CCDC33: variants seen among roughly 807,000 people sequenced by gnomAD.
CCDC33 encodes coiled-coil domain containing 33.
A neutral mutation model predicts 91.9 loss-of-function variants in CCDC33; 94 were observed. The observed-to-expected ratio is 1.02, with a 90% CI of 0.87 to 1.21. The LOEUF is 1.21. CCDC33 is among the 50% of genes most tolerant of loss of function. The probability of loss-of-function intolerance (pLI) is 0.00; values close to 1 mark genes in which losing one functional copy is unlikely to be tolerated. For synonymous variants in CCDC33, 396 were observed against 374.5 expected, an observed-to-expected ratio of 1.06 and a Z score of -0.66; for missense variants, 940 against 935.5, an observed-to-expected ratio of 1.00 and a Z score of -0.06.
upstream of CCDC33, among the ~76,000 whole-genome samples, chr15:74,214,415 G>T (rs1390861352): frequency 6.6e-6 from 1 of 152,038 alleles, no homozygotes; most frequent in African/African-American, 2.4e-5. Context: ...GGGGAACCAG[G>T]CCCTGCCCCC....
rs762800960 is a variant in CCDC33, at chr15:74,271,752, T to G, written c.596T>G (p.Ile199Arg). 6.2e-6 allele frequency: 10 copies of G among 1,613,692 alleles called. No homozygotes were observed. The highest frequency in any genetic ancestry group is 8.5e-7 in the Non-Finnish European group (1 of 1,179,762). Residue 199 changes from isoleucine to arginine, a missense_variant, in exon 6 of 19, where the codon ATA becomes AGA. Physicochemically the swap from Ile to Arg is moderately conservative, Grantham distance 97. Coordinates refer to ENST00000398814, the MANE Select transcript of CCDC33 (RefSeq NM_025055.5). ...NEPLANNPNP[I>R]VVIARVVPNY... ...CCCCTGGCCAACAACCCCAACCCCA[T>G]AGTGGTGATTGCCCGGGTCGTTCCC...
chr15:74,332,634 A>T, intron 15 of CCDC33, 45 bp from the exon 16 acceptor site: 1 of 1,600,230 alleles, frequency 6.2e-7, no homozygotes, highest in South Asian at 1.1e-5. Context: ...GGGACATGGG[A>T]AGCAGGAGAG....
intron 2 of CCDC33, among the ~76,000 whole-genome samples, chr15:74,224,968 A>G (rs2074740782): frequency 6.6e-6 from 1 of 152,116 alleles, no homozygotes. Flanking sequence ...AGGGTGGAGA[A>G]GGCCAGCCCA....
upstream of CCDC33, among the ~76,000 whole-genome samples, chr15:74,234,751 G>A (rs933617320): frequency 2.6e-5 from 4 of 152,334 alleles, no homozygotes; most frequent in Non-Finnish European, 5.9e-5. Flanking sequence ...TGAGAGCCCC[G>A]AGCCCCGGGG....
At position 74,308,169 on chromosome 15, in the gene CCDC33, C is replaced by T. The variant is rs185046839; in HGVS notation, c.1290+12221C>T. 5.3e-3 allele frequency among the ~76,000 whole-genome samples: 807 copies of T among 152,292 alleles called. 1 individual carries two copies. Among genetic ancestry groups the T allele is most frequent in the Non-Finnish European group, 8.4e-3 (569 of 68,018 alleles). ...GGCCAAAGCAGGACCTTTCAACCCACGGGGCCCAGGGCTGGAGCCCCTCTT... is the reference window on the plus strand; with the variant it reads ...GGCCAAAGCAGGACCTTTCAACCCATGGGGCCCAGGGCTGGAGCCCCTCTT... On this transcript the variant is annotated intron_variant, in intron 11 of 18. Transcript: ENST00000398814.
intron 1 of CCDC33, among the ~76,000 whole-genome samples, chr15:74,237,849 T>C (rs1042164194): frequency 6.6e-6 from 1 of 152,172 alleles, no homozygotes; most frequent in Non-Finnish European, 1.5e-5. Context: ...GAATCGCCTA[T>C]AAGGATGCTC....
chr15:74,285,201 C>A (rs1435823671), intron 10 of CCDC33, among the ~76,000 whole-genome samples: 2 of 15,022 alleles, frequency 1.3e-4, no homozygotes, highest in Non-Finnish European at 1.1e-3. Context: ...TAGGCTCTTT[C>A]CATGAGCCTC....
At chr15:74,292,261 C>T (rs1175650636) in intron 10 of CCDC33, among the ~76,000 whole-genome samples, 1 of 152,184 alleles carries the variant, frequency 6.6e-6, no homozygotes, top group African/African-American at 2.4e-5. Context: ...GTCTCCAAGG[C>T]TCTTCCCATC....
At chr15:74,271,582 A>G in intron 5 of CCDC33, 121 bp from the exon 6 acceptor site, 2 of 674,370 alleles carry the variant, frequency 3.0e-6, no homozygotes, top group South Asian at 1.8e-5. Flanking sequence ...GCAGGTGTCA[A>G]GTGTGGAGGC....
chr15:74,242,912 G>C (rs2075393554), intron 1 of CCDC33, among the ~76,000 whole-genome samples: 1 of 152,150 alleles, frequency 6.6e-6, no homozygotes, highest in African/African-American at 2.4e-5. Context: ...CTTCGCTCCA[G>C]TGTTCTGCTC....
chr15:74,336,349 G>A (rs745330407), downstream of CCDC33: 23 of 1,355,132 alleles, frequency 1.7e-5, no homozygotes, highest in Non-Finnish European at 2.2e-5. Context: ...AGGGAGACGG[G>A]CCCCTTCCAG....
intron 3 of CCDC33, among the ~76,000 whole-genome samples, chr15:74,265,287 A>G (rs2076136808): frequency 6.6e-6 from 1 of 152,114 alleles, no homozygotes; most frequent in Admixed American, 6.5e-5. Context: ...GGTCTCCCCA[A>G]GTGTTTCCCT....
At chr15:74,307,207 A>C (rs1183352202) in intron 11 of CCDC33, among the ~76,000 whole-genome samples, 1 of 152,192 alleles carries the variant, frequency 6.6e-6, no homozygotes, top group Non-Finnish European at 1.5e-5. Context: ...CTATAGAACC[A>C]GGAGCGACTG....
chr15:74,287,847 T>G (rs985368269), intron 10 of CCDC33, among the ~76,000 whole-genome samples: 1 of 151,720 alleles, frequency 6.6e-6, no homozygotes, highest in Non-Finnish European at 1.5e-5. Context: ...GACATGAGAG[T>G]CTGTGCTTTC....
chr15:74,236,266 G>A (rs115078625), upstream of CCDC33: 1,111 of 157,978 alleles, frequency 7.0e-3, 11 homozygotes, highest in African/African-American at 0.025. Flanking sequence ...GTGTGACTTC[G>A]GCCCTGCCCT....
At chr15:74,254,299 G>A (rs972298230) in intron 2 of CCDC33, among the ~76,000 whole-genome samples, 2 of 152,228 alleles carry the variant, frequency 1.3e-5, no homozygotes, top group African/African-American at 2.4e-5. Context: ...CCAAAGTGCT[G>A]GGATTACAGG....
At chr15:74,299,699 A>C (rs930415444) in intron 11 of CCDC33, 3 of 152,298 alleles carry the variant, frequency 2.0e-5, no homozygotes, top group Non-Finnish European at 4.4e-5. Flanking sequence ...CCAGAGACTC[A>C]TAGAGTATCC....
chr15:74,238,409 CAAAAA>C (rs557444250), intron 1 of CCDC33, among the ~76,000 whole-genome samples: 2 of 66,660 alleles, frequency 3.0e-5, no homozygotes, highest in Non-Finnish European at 3.3e-5. Flanking sequence ...AACTCCATCT[CAAAAA>C]AAAAAAAAAA....
intron 1 of CCDC33, among the ~76,000 whole-genome samples, chr15:74,243,529 G>A (rs1368607157): frequency 6.6e-6 from 1 of 152,226 alleles, no homozygotes; most frequent in African/African-American, 2.4e-5. Flanking sequence ...GGGGACAGAA[G>A]TAGGGAGAAA....
Sources: gnomAD v4.1 joint callset for allele counts (sites outside exome capture counted in the v4.1 genomes callset) on GRCh38, gnomAD v4.1.1 for gene constraint, MANE v1.5 for transcripts, NCBI Gene and HGNC (gene_info 2026-07-23, HGNC 2026-07-21) for gene names.